The following PCDHGA7 variants were observed in gnomAD, a reference collection of about 807,000 sequenced individuals.
PCDHGA7 encodes the protein protocadherin gamma subfamily A, 7.
Under a neutral mutation model 58.3 loss-of-function variants are expected in PCDHGA7, and 44 were observed. The observed-to-expected ratio is 0.75, with a 90% CI of 0.59 to 0.97. The LOEUF is 0.97. Ranked by LOEUF, PCDHGA7 falls within the 50% of genes least tolerant of loss-of-function variation. The probability of loss-of-function intolerance (pLI) is 0.00; values close to 1 mark genes in which losing one functional copy is unlikely to be tolerated. For synonymous variants in PCDHGA7, 516 were observed against 504.2 expected (o/e 1.02, Z -0.31); for missense variants, 1,266 against 1,188.7 (o/e 1.06, Z -0.96).
At chr5:141,413,342 TG>T in intron 1 of PCDHGA7, 1 of 1,613,974 alleles carries the variant, frequency 6.2e-7, no homozygotes, top group South Asian at 1.1e-5. Flanking sequence ...TCCAAGGACT[TG>T]GGTCTGGCGC....
rs751563833 is a variant in PCDHGA7 at position 141,421,382 on chromosome 5, A to T, written c.2424+36059A>T. 5.6e-6 allele frequency: 9 copies of T among 1,613,906 alleles called. No homozygotes were observed. The South Asian group carries it at 8.8e-5, about 16-fold the overall frequency. ...TCCTTCGTGGGCAATATCTCCAAGG[A>T]CCTGGGGCTGGAGCCCCGGGAGCTG... On this transcript the variant is annotated intron_variant, in intron 1 of 3. Transcript: ENST00000518325.
At chr5:141,451,832 G>A (rs1190124133) in intron 1 of PCDHGA7, among the ~76,000 whole-genome samples, 1 of 150,948 alleles carries the variant, frequency 6.6e-6, no homozygotes, top group Non-Finnish European at 1.5e-5. Context: ...AGTGAGCCGA[G>A]ATCACACCAC....
chr5:141,490,080 T>A lies in PCDHGA7; in HGVS notation c.2425-4727T>A, dbSNP rs2099695881. On this transcript the variant is annotated intron_variant, in intron 1 of 3. Coordinates refer to ENST00000518325, the MANE Select transcript of PCDHGA7 (RefSeq NM_018920.4). The surrounding 1 kb of genome is among the most constrained non-coding windows in gnomAD (Gnocchi z 5.4). ...GCACCAACGGCCAACTAGACTATTCTTTTGGAGACCACACATCTGAGGCAG... is the reference window on the plus strand; with the variant it reads ...GCACCAACGGCCAACTAGACTATTCATTTGGAGACCACACATCTGAGGCAG... The A allele has an allele frequency of 6.2e-7, 1 of 1,614,246 alleles. No homozygotes were observed. The highest frequency in any genetic ancestry group is 2.2e-5 in the East Asian group (1 of 44,884).
At chr5:141,416,589 TTA>T (rs1386515449) in intron 1 of PCDHGA7, 2 of 151,996 alleles carry the variant, frequency 1.3e-5, no homozygotes, top group African/African-American at 4.8e-5. Context: ...CAAAATAAAC[TTA>T]GAGTCAAGAA....
At chr5:141,470,182 G>A (rs540599468) in intron 1 of PCDHGA7, among the ~76,000 whole-genome samples, 1 of 152,262 alleles carries the variant, frequency 6.6e-6, no homozygotes, top group Non-Finnish European at 1.5e-5. Context: ...AAATATTCAA[G>A]TAAACTTCAG....
rs753538822 is a variant in PCDHGA7, at chr5:141,476,676, G to C, written c.2425-18131G>C. 6 of 1,614,222 alleles carry C rather than the reference G, an allele frequency of 3.7e-6. No individual in the cohort carries two copies. Among genetic ancestry groups the C allele is most frequent in the Non-Finnish European group, 4.2e-6 (5 of 1,180,054 alleles). ...TACTTTGCGCTTCGCGTGCAGACGCGGGAGGACAGCACCAAGTACGCGGAG... is the reference window on the plus strand; with the variant it reads ...TACTTTGCGCTTCGCGTGCAGACGCCGGAGGACAGCACCAAGTACGCGGAG... On this transcript the variant is annotated intron_variant, in intron 1 of 3. Transcript: ENST00000518325. The surrounding 1 kb of genome is among the most constrained non-coding windows in gnomAD (Gnocchi z 7.6).
intron 1 of PCDHGA7, among the ~76,000 whole-genome samples, chr5:141,488,190 G>A (rs1162264945): frequency 1.3e-5 from 2 of 152,164 alleles, no homozygotes; most frequent in African/African-American, 4.8e-5. Flanking sequence ...CTTTTGGTCT[G>A]GGTCTTAGGA....
Position 141,485,172 on chromosome 5 carries a change from C to A in PCDHGA7, c.2425-9635C>A. ...CAAGTAGAGAATTAGCGGGCGGCAG[C>A]AATGCTCCGCAAGGTGAGAAGCTGG... On this transcript the variant is annotated intron_variant, in intron 1 of 3. Transcript: ENST00000518325. The surrounding 1 kb of genome is among the most constrained non-coding windows in gnomAD (Gnocchi z 5.7). 6.2e-7 allele frequency: 1 copy of A among 1,610,164 alleles called. No individual in the cohort carries two copies. The highest frequency in any genetic ancestry group is 8.5e-7 in the Non-Finnish European group (1 of 1,176,940).
At chr5:141,505,559 G>A (rs1215110084) in intron 3 of PCDHGA7, 78 bp downstream of exon 3, 27 of 1,604,592 alleles carry the variant, frequency 1.7e-5, no homozygotes, top group Non-Finnish European at 2.0e-5. Flanking sequence ...CCATGCCCAC[G>A]GACTGGATGT....
At chr5:141,397,813 A>G (rs2093571371) in intron 1 of PCDHGA7, among the ~76,000 whole-genome samples, 2 of 152,216 alleles carry the variant, frequency 1.3e-5, no homozygotes, top group Non-Finnish European at 2.9e-5. Flanking sequence ...GCACACAAAA[A>G]CAATTACTGC....
chr5:141,392,013 G>A (rs980520094), intron 1 of PCDHGA7: 1 of 152,108 alleles, frequency 6.6e-6, no homozygotes, highest in African/African-American at 2.4e-5. Context: ...AATGGTAAAA[G>A]CATTTATCCT....
intron 2 of PCDHGA7, among the ~76,000 whole-genome samples, chr5:141,500,289 A>G (rs1440166636): frequency 6.6e-6 from 1 of 151,486 alleles, no homozygotes; most frequent in African/African-American, 2.4e-5. Flanking sequence ...GCTCACTGCA[A>G]GCTCCGCCTC....
At chr5:141,414,722 G>T in intron 1 of PCDHGA7, 1 of 1,614,128 alleles carries the variant, frequency 6.2e-7, no homozygotes, top group South Asian at 1.1e-5. Flanking sequence ...TCAGACACTG[G>T]CGTCCTGTAT....
chr5:141,415,044 G>T, intron 1 of PCDHGA7: 2 of 1,613,506 alleles, frequency 1.2e-6, no homozygotes, highest in East Asian at 2.2e-5. Flanking sequence ...TCTTCGCGGT[G>T]GGGGAGCACA....
chr5:141,448,803 G>A (rs2098607666), intron 1 of PCDHGA7, among the ~76,000 whole-genome samples: 2 of 152,020 alleles, frequency 1.3e-5, no homozygotes, highest in South Asian at 4.1e-4. Flanking sequence ...AAATTAGCCA[G>A]GCGTGATGGC....
chr5:141,425,013 G>T (rs1666336437), intron 1 of PCDHGA7, among the ~76,000 whole-genome samples: 1 of 152,108 alleles, frequency 6.6e-6, no homozygotes, highest in Non-Finnish European at 1.5e-5. Flanking sequence ...TCTCATTTAG[G>T]AATTTACCTT....
intron 1 of PCDHGA7, chr5:141,396,659 A>G (rs2093416733): frequency 6.6e-6 from 1 of 151,984 alleles, no homozygotes; most frequent in African/African-American, 2.4e-5. Context: ...AAAACTCGGT[A>G]TAGGCTATCC....
In PCDHGA7 at chr5:141,487,192, C is replaced by T. The variant is rs2099641028; in HGVS notation, c.2425-7615C>T. ...TAGAGGAAGACACTCATCCAGTTGT[C>T]CCAGATCTTCGAGAATCTTCAGCTC... On this transcript the variant is annotated intron_variant, in intron 1 of 3. Transcript: ENST00000518325. This position sits in a 1 kb window ranked among gnomAD's most constrained non-coding sequence, Gnocchi z 5.0. 15 of 1,613,748 alleles carry T rather than the reference C, an allele frequency of 9.3e-6. No individual in the cohort carries two copies. Among genetic ancestry groups the T allele is most frequent in the African/African-American group, 1.3e-5 (1 of 75,040 alleles).
intron 1 of PCDHGA7, chr5:141,405,271 C>T: frequency 3.1e-6 from 5 of 1,614,094 alleles, no homozygotes; most frequent in Non-Finnish European, 4.2e-6. Flanking sequence ...TCCCCCAGCC[C>T]AACTATGCAG....
Sources: gnomAD v4.1 joint callset for allele counts (sites outside exome capture counted in the v4.1 genomes callset) on GRCh38, gnomAD v4.1.1 for gene constraint, Gnocchi (gnomAD v3.1) non-coding constraint, MANE v1.5 for transcripts, NCBI Gene and HGNC (gene_info 2026-07-23, HGNC 2026-07-21) for gene names.